The following EFR3B variants were observed in gnomAD, a reference collection of about 807,000 sequenced individuals.
EFR3B encodes protein EFR3 homolog B.
A neutral mutation model predicts 104.7 loss-of-function variants in EFR3B; 64 were observed. The observed-to-expected ratio is 0.61, with a 90% confidence interval of 0.50 to 0.75. The LOEUF (loss-of-function observed/expected upper bound fraction) is 0.75, where lower values mean the gene tolerates loss of function less well. Among genes scored for constraint, EFR3B ranks in the 30% least tolerant of loss-of-function variants. The probability of loss-of-function intolerance (pLI) is 0.00; values close to 1 mark genes in which losing one functional copy is unlikely to be tolerated. For synonymous variants in EFR3B, 385 were observed against 417.9 expected (o/e 0.92, Z 0.96); for missense variants, 750 against 1,078.5 (o/e 0.70, Z 4.27).
In EFR3B at chr2:25,073,644, A is replaced by G. The variant is rs528423989; in HGVS notation, c.8-17681A>G. Reference sequence around the variant, plus strand: ...AGTGTTGGCATGAGCCACTGCGCCCAGCCCACTATGTAATGATTCTCCGGA... The same window carrying G: ...AGTGTTGGCATGAGCCACTGCGCCCGGCCCACTATGTAATGATTCTCCGGA... On this transcript the variant is annotated intron_variant, in intron 1 of 22. Transcript: ENST00000403714. Among the ~76,000 whole-genome samples the G allele has an allele frequency of 4.6e-5, 7 of 152,234 alleles. No homozygotes were observed. The East Asian group carries it at 1.4e-3, about 29-fold the overall frequency.
intron 11 of EFR3B, 104 bp downstream of exon 11, chr2:25,133,118 C>A: frequency 1.8e-6 from 2 of 1,092,444 alleles, no homozygotes; most frequent in Non-Finnish European, 2.7e-6. Context: ...GCCCTCTGCT[C>A]TCTTTTTACT....
chr2:25,052,811 G>A (rs1667917075), intron 1 of EFR3B, among the ~76,000 whole-genome samples: 1 of 152,180 alleles, frequency 6.6e-6, no homozygotes, highest in Non-Finnish European at 1.5e-5. Context: ...CCTGTGCCAG[G>A]CAGAATTCTA....
chr2:25,077,872 C>A (rs771161731), intron 1 of EFR3B, among the ~76,000 whole-genome samples: 2 of 152,058 alleles, frequency 1.3e-5, no homozygotes, highest in African/African-American at 4.8e-5. Flanking sequence ...AAAGAGGGAA[C>A]CTTTTTGTTT....
At chr2:25,146,470 T>A (rs1362478756) in intron 19 of EFR3B, 1 of 152,360 alleles carries the variant, frequency 6.6e-6, no homozygotes, top group South Asian at 2.1e-4. Flanking sequence ...GCATCCTCCA[T>A]GGCCCTTCCA....
intron 1 of EFR3B, among the ~76,000 whole-genome samples, chr2:25,061,447 C>T (rs1056615759): frequency 2.0e-5 from 3 of 151,520 alleles, no homozygotes; most frequent in African/African-American, 2.4e-5. Flanking sequence ...GCCTCTCACA[C>T]GGGCAACGTA....
intron 1 of EFR3B, among the ~76,000 whole-genome samples, chr2:25,072,365 C>G (rs1668522938): frequency 6.6e-6 from 1 of 152,068 alleles, no homozygotes; most frequent in South Asian, 2.1e-4. Context: ...ACTGCAACCT[C>G]TGCCTCCCAG....
At chr2:25,107,547 T>C (rs1669599673) in intron 4 of EFR3B, among the ~76,000 whole-genome samples, 1 of 152,200 alleles carries the variant, frequency 6.6e-6, no homozygotes, top group Non-Finnish European at 1.5e-5. Context: ...GTGATGCCAT[T>C]TAGGTCTGGG....
intron 1 of EFR3B, among the ~76,000 whole-genome samples, chr2:25,067,431 T>G (rs1196517022): frequency 6.6e-6 from 1 of 151,682 alleles, no homozygotes. Context: ...TTTTTGTTTT[T>G]TTTTTTTTGT....
intron 1 of EFR3B, among the ~76,000 whole-genome samples, chr2:25,054,340 G>A (rs540188749): frequency 6.6e-6 from 1 of 150,630 alleles, no homozygotes; most frequent in South Asian, 2.1e-4. Flanking sequence ...TTTTTTTTTG[G>A]AGATGGAGTC....
At chr2:25,065,046 A>C (rs1668294446) in intron 1 of EFR3B, among the ~76,000 whole-genome samples, 1 of 151,822 alleles carries the variant, frequency 6.6e-6, no homozygotes, top group African/African-American at 2.4e-5. Flanking sequence ...TGGTGTTAGA[A>C]GCAGCCTGCA....
intron 4 of EFR3B, among the ~76,000 whole-genome samples, chr2:25,116,590 C>A (rs541880085): frequency 6.6e-6 from 1 of 152,042 alleles, no homozygotes; most frequent in Non-Finnish European, 1.5e-5. Flanking sequence ...CGCCACTGCA[C>A]TCCAGCTTGG....
chr2:25,128,092 A>T, intron 5 of EFR3B, 91 bp from the exon 6 acceptor site: 1 of 1,426,286 alleles, frequency 7.0e-7, no homozygotes, highest in South Asian at 1.3e-5. Context: ...TGTATCCCTG[A>T]CTCCTAAGCT....
At chr2:25,099,636 G>A (rs1669376850) in intron 3 of EFR3B, among the ~76,000 whole-genome samples, 1 of 151,896 alleles carries the variant, frequency 6.6e-6, no homozygotes, top group South Asian at 2.1e-4. Context: ...TCAAAGGTAA[G>A]TAAGAAATAG....
chr2:25,138,214 C>T (rs899366256), intron 15 of EFR3B, among the ~76,000 whole-genome samples: 9 of 152,240 alleles, frequency 5.9e-5, no homozygotes, highest in Middle Eastern at 3.4e-3. Context: ...TCTCTAGTTC[C>T]CAAATGGAGC....
At chr2:25,096,982 G>A (rs1395793241) in intron 3 of EFR3B, among the ~76,000 whole-genome samples, 1 of 152,034 alleles carries the variant, frequency 6.6e-6, no homozygotes, top group African/African-American at 2.4e-5. Flanking sequence ...TTATATTAAG[G>A]GCCTTGACAT....
Position 25,158,873 on chromosome 2 carries a change from T to G in EFR3B, c.*4533T>G, listed in dbSNP as rs2149217799. ...ACCTGGCTGTGTGTGTGCATGTGTG[T>G]GTAGTATAGTTTGTAGTTGACAATA... On this transcript the variant is annotated 3_prime_UTR_variant, in exon 23 of 23. Transcript: ENST00000403714. The G allele has an allele frequency of 6.6e-6, 1 of 152,328 alleles. No individual in the cohort carries two copies. The highest frequency in any genetic ancestry group is 1.5e-5 in the Non-Finnish European group (1 of 68,044). The allele number at this position is 152,328 out of a possible 1,614,324, so 9.4% of individuals were successfully genotyped here. A position where few individuals can be genotyped will look rare whatever the true frequency, so the allele number is the denominator to read the frequency against.
chr2:25,081,380 T>TA, intron 1 of EFR3B: 1 of 1,047,568 alleles, frequency 9.5e-7, no homozygotes, highest in South Asian at 1.4e-5. Flanking sequence ...TACTCATAGT[T>TA]ACAGTTTATC....
chr2:25,054,589 T>C (rs975704574), intron 1 of EFR3B, among the ~76,000 whole-genome samples: 6 of 152,176 alleles, frequency 3.9e-5, no homozygotes, highest in African/African-American at 1.4e-4. Flanking sequence ...ATTACAGGCA[T>C]GAGCTACCGC....
chr2:25,090,983 G>A (rs922388180), intron 1 of EFR3B, among the ~76,000 whole-genome samples: 3 of 152,236 alleles, frequency 2.0e-5, no homozygotes, highest in African/African-American at 4.8e-5. Flanking sequence ...CACAGTAGGC[G>A]GGCGCAGCAC....
Sources: allele counts gnomAD v4.1 joint callset (sites outside exome capture counted in the v4.1 genomes callset), GRCh38; gene constraint gnomAD v4.1.1; transcripts MANE v1.5; gene names NCBI Gene and HGNC (gene_info 2026-07-23, HGNC 2026-07-21).